The following MRTFB variants were observed in gnomAD, a reference collection of about 807,000 sequenced individuals.
MRTFB encodes myocardin related transcription factor B, also known as myocardin-related transcription factor B.
MRTFB carries 29 observed loss-of-function variants against 104.2 expected under a neutral mutation model. The observed-to-expected ratio is 0.28, with a 90% confidence interval of 0.21 to 0.38. The LOEUF (loss-of-function observed/expected upper bound fraction) is 0.38. MRTFB is among the 10% of genes least tolerant of loss of function. MRTFB has a pLI of 1.00. For missense variants in MRTFB, 1,270 were observed against 1,341.6 expected (o/e 0.95, Z 0.83); for synonymous variants, 535 against 519.5 (o/e 1.03, Z -0.41).
chr16:14,244,411 GA>G (rs1267278966), intron 10 of MRTFB, among the ~76,000 whole-genome samples: 1 of 152,198 alleles, frequency 6.6e-6, no homozygotes, highest in African/African-American at 2.4e-5. Flanking sequence ...TCTAGGAATG[GA>G]ATTGTGGGAT....
intron 6 of MRTFB, among the ~76,000 whole-genome samples, chr16:14,215,832 T>C (rs1219950998): frequency 1.3e-5 from 2 of 152,244 alleles, no homozygotes. Context: ...TGGGTAAGAC[T>C]TTAATGAATG....
At chr16:14,004,552 G>T in the MRTFB span, among the ~76,000 whole-genome samples, 1 of 152,160 alleles carries the variant, frequency 6.6e-6, no homozygotes, top group Non-Finnish European at 1.5e-5. Flanking sequence ...GGATGGCCAG[G>T]ACACAGCCCA....
chr16:14,209,450 A>G (rs2041094884), intron 3 of MRTFB, among the ~76,000 whole-genome samples: 1 of 152,176 alleles, frequency 6.6e-6, no homozygotes, highest in African/African-American at 2.4e-5. Context: ...TTTCAGAGTC[A>G]CCTCCTGTAT....
At chr16:14,128,697 G>A (rs1441182789) in intron 2 of MRTFB, among the ~76,000 whole-genome samples, 2 of 152,180 alleles carry the variant, frequency 1.3e-5, no homozygotes, top group Non-Finnish European at 2.9e-5. Context: ...TATATTTTAT[G>A]AATGTACAAC....
At chr16:14,083,621 C>T (rs1365712763) in intron 2 of MRTFB, among the ~76,000 whole-genome samples, 1 of 152,186 alleles carries the variant, frequency 6.6e-6, no homozygotes, top group Admixed American at 6.5e-5. Context: ...TCTCTCTCCA[C>T]GCTGTGCTGC....
intron 3 of MRTFB, among the ~76,000 whole-genome samples, chr16:14,155,917 A>G (rs1402185923): frequency 1.3e-5 from 2 of 152,086 alleles, no homozygotes; most frequent in East Asian, 3.9e-4. Flanking sequence ...TTCAGCATAG[A>G]TCCTGTTTTT....
intron 2 of MRTFB, among the ~76,000 whole-genome samples, chr16:14,127,504 C>T (rs1392230030): frequency 6.6e-6 from 1 of 151,768 alleles, no homozygotes; most frequent in Non-Finnish European, 1.5e-5. Flanking sequence ...ATTAGCCAGG[C>T]GTGGTGGTGG....
In MRTFB at chr16:14,071,332, G is replaced by GGCGGCGGGA. The variant is rs1482370888; in HGVS notation, c.-154_-146dup. ...GCGAAGTCTCGCGAGATCGCGCGGC[G>GGCGGCGGGA]GCGGCGGGAGCGGCGGCGGCGGCGG... On this transcript the variant is annotated 5_prime_UTR_variant, in exon 1 of 17. Transcript: ENST00000571589. The GGCGGCGGGA allele has an allele frequency of 1.8e-5, 3 of 167,242 alleles. No homozygotes were observed. The highest frequency in any genetic ancestry group is 2.4e-5 in the African/African-American group (1 of 41,542). 10.4% of individuals were successfully genotyped at this position (167,242 alleles called of 1,614,324 possible).
chr16:14,032,827 T>C, the MRTFB span, among the ~76,000 whole-genome samples: 1 of 152,154 alleles, frequency 6.6e-6, no homozygotes, highest in Non-Finnish European at 1.5e-5. Context: ...CCCACACTTT[T>C]GGTGTCAAAA....
At chr16:14,136,785 C>T (rs917341513) in intron 2 of MRTFB, among the ~76,000 whole-genome samples, 2 of 151,832 alleles carry the variant, frequency 1.3e-5, no homozygotes, top group African/African-American at 2.4e-5. Flanking sequence ...TTTTCCCCTA[C>T]CTCTGGCATA....
intron 2 of MRTFB, among the ~76,000 whole-genome samples, chr16:14,139,867 A>G (rs2037907413): frequency 1.3e-5 from 2 of 152,208 alleles, no homozygotes; most frequent in Non-Finnish European, 2.9e-5. Context: ...GCCTCCAGTA[A>G]CAGTTTTCTG....
chr16:14,251,123 T>G (rs950810889), intron 13 of MRTFB, among the ~76,000 whole-genome samples: 1 of 152,014 alleles, frequency 6.6e-6, no homozygotes, highest in African/African-American at 2.4e-5. Context: ...AAGCCTGTAA[T>G]CCCAGCACTT....
chr16:14,174,475 G>C (rs2039519839), intron 3 of MRTFB, among the ~76,000 whole-genome samples: 1 of 152,122 alleles, frequency 6.6e-6, no homozygotes, highest in Non-Finnish European at 1.5e-5. Context: ...TTGAGGTGAA[G>C]AGTTTGAGAC....
At chr16:14,170,449 A>T (rs753204647) in intron 3 of MRTFB, 2 of 152,072 alleles carry the variant, frequency 1.3e-5, no homozygotes, top group Non-Finnish European at 2.9e-5. Flanking sequence ...AAATAAAATT[A>T]CTTTTTACTT....
At chr16:14,189,788 G>A (rs1450084973) in intron 3 of MRTFB, among the ~76,000 whole-genome samples, 1 of 152,142 alleles carries the variant, frequency 6.6e-6, no homozygotes, top group African/African-American at 2.4e-5. Flanking sequence ...TGTCTGATAC[G>A]TGTCCACTCT....
In MRTFB at chr16:14,129,764, A is replaced by G. The variant is rs955765399; in HGVS notation, c.-63-10780A>G. Among the ~76,000 whole-genome samples the G allele has an allele frequency of 6.6e-5, 10 of 152,190 alleles. No individual in the cohort carries two copies. In the East Asian group the frequency reaches 1.9e-3, roughly 29 times the overall value. On this transcript the variant is annotated intron_variant, in intron 2 of 16. Transcript: ENST00000571589. Reference sequence around the variant, plus strand: ...TAGATTTTAATTGCATTTCCGTAATAACTGATTATATTGAACATTTATTCG... The same window carrying G: ...TAGATTTTAATTGCATTTCCGTAATGACTGATTATATTGAACATTTATTCG...
At chr16:14,071,073 C>T (rs1198372660), upstream of MRTFB, among the ~76,000 whole-genome samples, 1 of 152,212 alleles carries the variant, frequency 6.6e-6, no homozygotes, top group Non-Finnish European at 1.5e-5. Context: ...TGCGCATGCG[C>T]ACGCGCACCC....
chr16:14,245,219 C>T (rs181646049), intron 10 of MRTFB, among the ~76,000 whole-genome samples: 39 of 152,100 alleles, frequency 2.6e-4, no homozygotes, highest in Non-Finnish European at 3.7e-4. Flanking sequence ...ACATTAATTA[C>T]GTGTTGATGT....
At chr16:14,006,305 T>C in the MRTFB span, among the ~76,000 whole-genome samples, 4 of 151,938 alleles carry the variant, frequency 2.6e-5, no homozygotes, top group Middle Eastern at 3.2e-3. Context: ...ATTGTGTCAT[T>C]GCACTCCAGC....
Sources: allele counts gnomAD v4.1 joint callset (sites outside exome capture counted in the v4.1 genomes callset), GRCh38; gene constraint gnomAD v4.1.1; transcripts MANE v1.5; gene names NCBI Gene and HGNC (gene_info 2026-07-23, HGNC 2026-07-21).